The following ADGRD1 variants were observed in gnomAD, a reference collection of about 807,000 sequenced individuals.
The protein encoded by ADGRD1 is G-protein coupled receptor 133.
ADGRD1 carries 77 observed loss-of-function variants against 113.4 expected under a neutral mutation model. That is an observed-to-expected ratio of 0.68 (90% CI 0.57 to 0.82). The LOEUF (loss-of-function observed/expected upper bound fraction) is 0.82, where lower values mean the gene tolerates loss of function less well. ADGRD1 is among the 40% of genes least tolerant of loss of function. ADGRD1 has a pLI of 0.00. For missense variants in ADGRD1, 1,036 were observed against 1,139.1 expected (o/e 0.91, Z 1.30); for synonymous variants, 474 against 475.0 (o/e 1.00, Z 0.03).
chr12:131,039,029 A>G (rs558842970), intron 13 of ADGRD1, among the ~76,000 whole-genome samples: 2 of 152,358 alleles, frequency 1.3e-5, no homozygotes, highest in African/African-American at 4.8e-5. Context: ...GGCCAAGCTC[A>G]GAGGGAACTG....
rs939746552 is a variant in ADGRD1, at chr12:131,057,320, G to T, written c.1474-19481G>T. On this transcript the variant is annotated intron_variant, in intron 13 of 24. Coordinates refer to ENST00000261654, the MANE Select transcript of ADGRD1 (RefSeq NM_198827.5). The surrounding 1 kb of genome is among the most constrained non-coding windows in gnomAD (Gnocchi z 4.2). Reference sequence around the variant, plus strand: ...ATGTGTTGAGACACGCCGCGGACCAGAGAATGCTTGGAAGGGGAACGGTGG... The same window carrying T: ...ATGTGTTGAGACACGCCGCGGACCATAGAATGCTTGGAAGGGGAACGGTGG... 1.3e-4 allele frequency among the ~76,000 whole-genome samples: 20 copies of T among 152,214 alleles called. No homozygotes were observed. The highest frequency in any genetic ancestry group is 4.8e-4 in the African/African-American group (20 of 41,444).
chr12:131,105,639 C>T (rs1410522182), intron 16 of ADGRD1, 115 bp from the exon 17 acceptor site: 2 of 717,556 alleles, frequency 2.8e-6, no homozygotes, highest in Non-Finnish European at 4.8e-6. Context: ...GTGACAGCAA[C>T]CCCTCTGGCT....
intron 15 of ADGRD1, among the ~76,000 whole-genome samples, chr12:131,091,305 A>C (rs1886891807): frequency 6.6e-6 from 1 of 152,260 alleles, no homozygotes; most frequent in Non-Finnish European, 1.5e-5. Flanking sequence ...GACATAAAAA[A>C]GTATAAAATC....
At chr12:130,982,163 G>A (rs1187274528) in intron 5 of ADGRD1, 100 bp downstream of exon 5, 19 of 1,037,716 alleles carry the variant, frequency 1.8e-5, no homozygotes, top group Non-Finnish European at 2.7e-5. Context: ...GGAGCCCAGG[G>A]ATGCTGCTGC....
intron 12 of ADGRD1, among the ~76,000 whole-genome samples, chr12:131,011,043 T>C (rs1198836175): frequency 1.3e-5 from 2 of 150,592 alleles, no homozygotes; most frequent in Non-Finnish European, 3.0e-5. Flanking sequence ...GGAGGCAGGG[T>C]ATAAGGGGCA....
chr12:131,136,198 C>T (rs577795754), intron 22 of ADGRD1, 35 bp downstream of exon 22: 26 of 1,609,452 alleles, frequency 1.6e-5, no homozygotes, highest in South Asian at 1.0e-4. Flanking sequence ...GAGGCAGGGC[C>T]GCCAGCCATC....
chr12:130,958,883 C>T lies in ADGRD1; in HGVS notation c.103+4223C>T, dbSNP rs193138171. 3.9e-5 allele frequency among the ~76,000 whole-genome samples: 6 copies of T among 152,364 alleles called. No homozygotes were observed. In the East Asian group the frequency reaches 5.8e-4, roughly 15 times the overall value. ...TTACATCATCCTTGCGAGAGCCCTG[C>T]GGTGGTGTCACGCCCTCGCACCGCG... On this transcript the variant is annotated intron_variant, in intron 2 of 24. Coordinates refer to ENST00000261654, the MANE Select transcript of ADGRD1 (RefSeq NM_198827.5).
chr12:131,010,659 C>T (rs1264660072), intron 12 of ADGRD1, among the ~76,000 whole-genome samples: 3 of 152,168 alleles, frequency 2.0e-5, no homozygotes, highest in Non-Finnish European at 4.4e-5. Context: ...GGGTGAAGGA[C>T]GCAGAGCCTG....
chr12:131,120,033 A>G (rs1217213593), intron 19 of ADGRD1, among the ~76,000 whole-genome samples: 4 of 152,158 alleles, frequency 2.6e-5, no homozygotes, highest in African/African-American at 9.7e-5. Flanking sequence ...GCAGCATAGG[A>G]TTAAATGAGA....
At chr12:131,011,034 G>T (rs1877801100) in intron 12 of ADGRD1, among the ~76,000 whole-genome samples, 1 of 151,934 alleles carries the variant, frequency 6.6e-6, no homozygotes, top group African/African-American at 2.4e-5. Flanking sequence ...GGGGCGGGTG[G>T]AGGCAGGGTA....
intron 14 of ADGRD1, 55 bp downstream of exon 14, chr12:131,076,929 G>A (rs986261760): frequency 5.2e-5 from 73 of 1,390,814 alleles, no homozygotes; most frequent in Middle Eastern, 1.8e-4. Flanking sequence ...GCCCAGGCCC[G>A]CCCCATGCCA....
rs528792863 is a variant in ADGRD1, at chr12:131,125,072, C to T, written c.2175+4159C>T. Among the ~76,000 whole-genome samples, 34 of 152,286 alleles carry T rather than the reference C, an allele frequency of 2.2e-4. No individual in the cohort carries two copies. The South Asian group carries it at 4.6e-3, about 20-fold the overall frequency. ...ATGCTTTTCCCTCTGTGCATGTCTG[C>T]GTCTTAATCTCCTCTTAAAATAAGT... On this transcript the variant is annotated intron_variant, in intron 20 of 24. Transcript: ENST00000261654.
chr12:131,139,882 C>A lies in ADGRD1; in HGVS notation c.*619C>A, dbSNP rs1361640485. The A allele has an allele frequency of 6.6e-6, 1 of 152,546 alleles. No homozygotes were observed. The highest frequency in any genetic ancestry group is 1.5e-5 in the Non-Finnish European group (1 of 68,318). The allele number at this position is 152,546 out of a possible 1,614,324, so 9.4% of individuals were successfully genotyped here. ...CATCAGTTGGGGGCCCCTGCCCAAG[C>A]CGAGCTCGAGCCGTGGGCGGGAGTC... On this transcript the variant is annotated 3_prime_UTR_variant, in exon 25 of 25. Transcript: ENST00000261654.
chr12:131,092,849 A>G (rs1022562902), intron 15 of ADGRD1, among the ~76,000 whole-genome samples: 2 of 152,068 alleles, frequency 1.3e-5, no homozygotes, highest in African/African-American at 4.8e-5. Flanking sequence ...CAGTATTCCA[A>G]AACACAGACA....
At chr12:131,122,186 G>A (rs1398461665) in intron 20 of ADGRD1, among the ~76,000 whole-genome samples, 3 of 152,070 alleles carry the variant, frequency 2.0e-5, no homozygotes, top group Admixed American at 1.3e-4. Context: ...ACTGAGGGGC[G>A]TCAGGGGCCC....
Position 131,083,530 on chromosome 12 carries a change from G to A in ADGRD1, c.1548-1010G>A, listed in dbSNP as rs150523961. ...GCTGAGGTGGGAGGATCACGTGAGC[G>A]CAGGAGGTCAAGACTGCAGTGAGCT... On this transcript the variant is annotated intron_variant, in intron 14 of 24. Coordinates refer to ENST00000261654, the MANE Select transcript of ADGRD1 (RefSeq NM_198827.5). Among the ~76,000 whole-genome samples the A allele has an allele frequency of 4.9e-3, 743 of 152,244 alleles. 11 individuals carry two copies. Among genetic ancestry groups the A allele is most frequent in the African/African-American group, 0.016 (645 of 41,532 alleles).
chr12:131,134,098 A>G (rs1951007621), intron 21 of ADGRD1, among the ~76,000 whole-genome samples: 1 of 152,224 alleles, frequency 6.6e-6, no homozygotes, highest in Non-Finnish European at 1.5e-5. Flanking sequence ...CTCCTGAAAA[A>G]GAAGCAGAGA....
intron 13 of ADGRD1, 117 bp from the exon 14 acceptor site, chr12:131,076,684 T>C: frequency 3.7e-6 from 3 of 812,168 alleles, no homozygotes; most frequent in Non-Finnish European, 6.5e-6. Flanking sequence ...CATCAGTGGC[T>C]ATGCCTGTCC....
chr12:131,045,189 T>G (rs975825004), intron 13 of ADGRD1, among the ~76,000 whole-genome samples: 3 of 152,214 alleles, frequency 2.0e-5, no homozygotes, highest in African/African-American at 7.2e-5. Context: ...TGGATGAGCC[T>G]GGCCCTCGTC....
Sources: allele counts gnomAD v4.1 joint callset (sites outside exome capture counted in the v4.1 genomes callset), GRCh38; gene constraint gnomAD v4.1.1; non-coding constraint Gnocchi (gnomAD v3.1); transcripts MANE v1.5; gene names NCBI Gene and HGNC (gene_info 2026-07-23, HGNC 2026-07-21).